PCDHGB5: variants seen among roughly 807,000 people sequenced by gnomAD.
The protein encoded by PCDHGB5 is protocadherin gamma subfamily B, 5.
A neutral mutation model predicts 62.9 loss-of-function variants in PCDHGB5; 48 were observed. The ratio of observed to expected loss-of-function variants is 0.76; its 90% CI spans 0.61 to 0.97. PCDHGB5 has a LOEUF of 0.97. Among genes scored for constraint, PCDHGB5 ranks in the 50% least tolerant of loss-of-function variants. The pLI is 0.00. For missense variants in PCDHGB5, 1,118 were observed against 1,198.6 expected (o/e 0.93, Z 0.99); for synonymous variants, 474 against 511.2 (o/e 0.93, Z 0.98).
chr5:141,399,894 C>G lies in PCDHGB5; in HGVS notation c.1767C>G (p.Ala589=), dbSNP rs201911174. ...GCTACCTGGTGACCAAGGTAGTGGC[C>G]GTGGACGCAGACTCAGGACACAACG... The part of the protein sequence containing the change: ...EPGYLVTKVV[A]VDADSGHNAW... The change falls in exon 1 of 4, where the codon GCC becomes GCG. Residue 589 remains alanine (A), a synonymous_variant. Transcript: ENST00000617380. 9.2e-4 allele frequency: 1,477 copies of G among 1,612,556 alleles called. 21 individuals carry two copies. In the South Asian group the frequency reaches 0.015, roughly 17 times the overall value.
chr5:141,433,110 G>C (rs1031253372), intron 1 of PCDHGB5: 1 of 1,614,098 alleles, frequency 6.2e-7, no homozygotes, highest in Middle Eastern at 1.7e-4. Context: ...AGCCAGGAGA[G>C]CTTTGAAAAA....
intron 3 of PCDHGB5, among the ~76,000 whole-genome samples, chr5:141,506,682 C>A (rs1333272766): frequency 6.6e-6 from 1 of 152,192 alleles, no homozygotes; most frequent in East Asian, 1.9e-4. Context: ...ATATTATTAT[C>A]TTTGCTGACC....
chr5:141,477,258 C>A lies in PCDHGB5; in HGVS notation c.2398-17549C>A. ...TTGCTCAGTGTGACTGACCTGGATG[C>A]TGGCGAGAACGGGCTGGTGACCTGC... On this transcript the variant is annotated intron_variant, in intron 1 of 3. Coordinates refer to ENST00000617380, the MANE Select transcript of PCDHGB5 (RefSeq NM_018925.3). The surrounding 1 kb of genome is among the most constrained non-coding windows in gnomAD (Gnocchi z 4.9). 6.2e-7 allele frequency: 1 copy of A among 1,614,208 alleles called. No homozygotes were observed. Among genetic ancestry groups the A allele is most frequent in the Non-Finnish European group, 8.5e-7 (1 of 1,180,042 alleles).
intron 1 of PCDHGB5, chr5:141,417,885 G>A (rs761442517): frequency 2.6e-6 from 4 of 1,562,806 alleles, no homozygotes; most frequent in Admixed American, 1.9e-5. Flanking sequence ...GCGCAGAGGC[G>A]CCGGGCCGGC....
intron 1 of PCDHGB5, among the ~76,000 whole-genome samples, chr5:141,466,008 G>C (rs1298363274): frequency 6.6e-6 from 1 of 151,970 alleles, no homozygotes; most frequent in Non-Finnish European, 1.5e-5. Flanking sequence ...TGTAGTCCCA[G>C]CTACTCGGGA....
intron 1 of PCDHGB5, chr5:141,415,157 C>G: frequency 6.2e-7 from 1 of 1,613,864 alleles, no homozygotes. Context: ...CTCTCCGCCA[C>G]TGTCACGCTC....
At chr5:141,410,839 T>G in intron 1 of PCDHGB5, 2 of 481,442 alleles carry the variant, frequency 4.2e-6, no homozygotes, top group Non-Finnish European at 6.8e-6. Context: ...TGAAGATATT[T>G]TGTCTTTGTC....
chr5:141,422,253 T>C (rs917280432), intron 1 of PCDHGB5: 58 of 1,566,438 alleles, frequency 3.7e-5, no homozygotes, highest in Non-Finnish European at 5.0e-5. Context: ...TGGATGTGAA[T>C]GATAACGCTC....
In PCDHGB5 at chr5:141,490,889, T is replaced by G. The variant is rs568838001; in HGVS notation, c.2398-3918T>G. The G allele has an allele frequency of 6.2e-7, 1 of 1,613,406 alleles. No homozygotes were observed. Among genetic ancestry groups the G allele is most frequent in the Non-Finnish European group, 8.5e-7 (1 of 1,179,428 alleles). ...CCCCCATTGCATGCCAACACATCTCTGCATGTGTTTGTCCTAGACGAGAAT... is the reference window on the plus strand; with the variant it reads ...CCCCCATTGCATGCCAACACATCTCGGCATGTGTTTGTCCTAGACGAGAAT... On this transcript the variant is annotated intron_variant, in intron 1 of 3. Coordinates refer to ENST00000617380, the MANE Select transcript of PCDHGB5 (RefSeq NM_018925.3). This position sits in a 1 kb window ranked among gnomAD's most constrained non-coding sequence, Gnocchi z 5.4.
At chr5:141,456,197 C>T (rs1353243708) in intron 1 of PCDHGB5, among the ~76,000 whole-genome samples, 1 of 152,090 alleles carries the variant, frequency 6.6e-6, no homozygotes, top group Non-Finnish European at 1.5e-5. Context: ...ATAACTCCTA[C>T]CACATTCCTC....
chr5:141,423,848 G>C (rs1353181066), intron 1 of PCDHGB5: 1 of 1,277,462 alleles, frequency 7.8e-7, no homozygotes, highest in Non-Finnish European at 9.9e-7. Flanking sequence ...TAATCTTTCA[G>C]AACGTTTTTG....
Position 141,399,869 on chromosome 5 carries a change from G to A in PCDHGB5, c.1742G>A (p.Gly581Asp). The change falls in exon 1 of 4, where the codon GGC becomes GAC. Residue 581 changes from glycine (G) to aspartate (D), a missense_variant. Gly to Asp is a moderately conservative substitution (Grantham distance 94). Transcript: ENST00000617380. ...FDMVPRAAEP[G>D]YLVTKVVAVD... ...ATGGTGCCGCGCGCTGCAGAGCCCG[G>A]CTACCTGGTGACCAAGGTAGTGGCC... 1.2e-6 allele frequency: 2 copies of A among 1,612,822 alleles called. No homozygotes were observed. The highest frequency in any genetic ancestry group is 8.5e-7 in the Non-Finnish European group (1 of 1,179,810).
rs776211508 is a variant in PCDHGB5, at chr5:141,491,001, C to T, written c.2398-3806C>T. On this transcript the variant is annotated intron_variant, in intron 1 of 3. Transcript: ENST00000617380. The surrounding 1 kb of genome is among the most constrained non-coding windows in gnomAD (Gnocchi z 6.9). The stretch of plus-strand genomic sequence containing the variant: ...TCCCTCGCTCTGCTCCTCCTGGCTC[C>T]TTGGTCACCAAGGTGACAGCCGTGG... The T allele has an allele frequency of 6.2e-7, 1 of 1,614,140 alleles. No individual in the cohort carries two copies. Among genetic ancestry groups the T allele is most frequent in the Non-Finnish European group, 8.5e-7 (1 of 1,180,044 alleles).
intron 1 of PCDHGB5, among the ~76,000 whole-genome samples, chr5:141,471,071 C>T (rs1208702673): frequency 7.7e-6 from 1 of 129,696 alleles, no homozygotes; most frequent in Non-Finnish European, 1.6e-5. Context: ...TTTTTTGAGA[C>T]AGGGTCTCCC....
In PCDHGB5 at chr5:141,486,600, C is replaced by G. The variant is rs748395954; in HGVS notation, c.2398-8207C>G. Reference sequence around the variant, plus strand: ...AATCGCCCAGGGGACCTGCTTTGCTCCCTTGCAGCCTCTGACCCAGACTCT... The same window carrying G: ...AATCGCCCAGGGGACCTGCTTTGCTGCCTTGCAGCCTCTGACCCAGACTCT... On this transcript the variant is annotated intron_variant, in intron 1 of 3. Transcript: ENST00000617380. This position sits in a 1 kb window ranked among gnomAD's most constrained non-coding sequence, Gnocchi z 5.0. 21 of 1,613,602 alleles carry G rather than the reference C, an allele frequency of 1.3e-5. No individual in the cohort carries two copies. Among genetic ancestry groups the G allele is most frequent in the South Asian group, 2.2e-5 (2 of 91,086 alleles).
Position 141,432,732 on chromosome 5 carries a change from T to G in PCDHGB5, c.2397+32208T>G, listed in dbSNP as rs1300743675. 2.5e-6 allele frequency: 4 copies of G among 1,613,940 alleles called. No individual in the cohort carries two copies. Among genetic ancestry groups the G allele is most frequent in the Non-Finnish European group, 3.4e-6 (4 of 1,179,992 alleles). On this transcript the variant is annotated intron_variant, in intron 1 of 3. Coordinates refer to ENST00000617380, the MANE Select transcript of PCDHGB5 (RefSeq NM_018925.3). This position sits in a 1 kb window ranked among gnomAD's most constrained non-coding sequence, Gnocchi z 6.0. ...GGCCAGCCCCCTCTCTCCGCCACTG[T>G]CACGCTCACCGTGGCCGTGGCCGAC...
At chr5:141,427,966 T>C (rs1458559803) in intron 1 of PCDHGB5, 10 of 1,590,764 alleles carry the variant, frequency 6.3e-6, no homozygotes, top group African/African-American at 1.3e-5. Flanking sequence ...CCGCGGGTGC[T>C]GTACCCCGCG....
intron 1 of PCDHGB5, among the ~76,000 whole-genome samples, chr5:141,473,298 A>G (rs1033516450): frequency 1.3e-5 from 2 of 152,244 alleles, no homozygotes; most frequent in Non-Finnish European, 2.9e-5. Context: ...AGTAGCATAA[A>G]GATTGCTATA....
chr5:141,490,279 G>A lies in PCDHGB5; in HGVS notation c.2398-4528G>A, dbSNP rs1344083401. The A allele has an allele frequency of 5.6e-6, 9 of 1,614,228 alleles. No individual in the cohort carries two copies. In the East Asian group the frequency reaches 1.8e-4, roughly 32 times the overall value. On this transcript the variant is annotated intron_variant, in intron 1 of 3. Coordinates refer to ENST00000617380, the MANE Select transcript of PCDHGB5 (RefSeq NM_018925.3). This position sits in a 1 kb window ranked among gnomAD's most constrained non-coding sequence, Gnocchi z 5.4. ...GGATGTGGGGGATGTCAATGACAAT[G>A]CCCCAGAGGTGCTATTGGCCTCTTT...
Sources: gnomAD v4.1 joint callset for allele counts (sites outside exome capture counted in the v4.1 genomes callset) on GRCh38, gnomAD v4.1.1 for gene constraint, Gnocchi (gnomAD v3.1) non-coding constraint, MANE v1.5 for transcripts, NCBI Gene and HGNC (gene_info 2026-07-23, HGNC 2026-07-21) for gene names.